DRC8: variants seen among roughly 807,000 people sequenced by gnomAD.
DRC8 encodes the protein dynein regulatory complex subunit 8, also known as dynein regulatory complex protein 8.
chr1:245,119,559 G>A, the DRC8 span, among the ~76,000 whole-genome samples: 1 of 152,060 alleles, frequency 6.6e-6, no homozygotes, highest in Admixed American at 6.5e-5. Context: ...AGCTACATGG[G>A]AGGCTAAGGC....
At chr1:244,979,291 T>C in the DRC8 span, among the ~76,000 whole-genome samples, 5 of 80,554 alleles carry the variant, frequency 6.2e-5, no homozygotes, top group African/African-American at 1.8e-4. Context: ...CCGAAGCTTA[T>C]CTTTTTTTTT....
the DRC8 span, among the ~76,000 whole-genome samples, chr1:245,031,864 C>G: frequency 6.6e-6 from 1 of 152,142 alleles, no homozygotes; most frequent in Non-Finnish European, 1.5e-5. Flanking sequence ...TAAAGAATGT[C>G]TCTCTTTAAG....
chr1:245,101,176 C>T, the DRC8 span, among the ~76,000 whole-genome samples: 1 of 152,160 alleles, frequency 6.6e-6, no homozygotes, highest in Admixed American at 6.5e-5. Flanking sequence ...TGAGCCACGG[C>T]GCCTGGCCTG....
At chr1:245,013,279 T>C in the DRC8 span, among the ~76,000 whole-genome samples, 2 of 152,240 alleles carry the variant, frequency 1.3e-5, no homozygotes, top group South Asian at 2.1e-4. Flanking sequence ...AGGATAAGTT[T>C]CTCAACTTTA....
the DRC8 span, among the ~76,000 whole-genome samples, chr1:245,032,090 G>T: frequency 1.3e-5 from 2 of 152,122 alleles, no homozygotes; most frequent in African/African-American, 4.8e-5. Context: ...ACAGATAGAA[G>T]AAGTAACAAA....
chr1:245,101,131 T>C, the DRC8 span, among the ~76,000 whole-genome samples: 3 of 152,148 alleles, frequency 2.0e-5, no homozygotes, highest in African/African-American at 7.2e-5. Flanking sequence ...GTGATCCACC[T>C]GCCTCGGCCT....
At chr1:245,008,285 A>T in the DRC8 span, among the ~76,000 whole-genome samples, 1 of 152,218 alleles carries the variant, frequency 6.6e-6, no homozygotes, top group Admixed American at 6.5e-5. Flanking sequence ...CTTGATTATT[A>T]AAAAAATCAT....
the DRC8 span, among the ~76,000 whole-genome samples, chr1:245,006,133 C>G: frequency 6.6e-6 from 1 of 152,086 alleles, no homozygotes; most frequent in Non-Finnish European, 1.5e-5. Flanking sequence ...AAAGGCCTTG[C>G]GAACCATTGG....
the DRC8 span, among the ~76,000 whole-genome samples, chr1:245,100,084 T>C: frequency 2.0e-5 from 3 of 152,316 alleles, no homozygotes; most frequent in East Asian, 5.8e-4. Context: ...TAATCGTCCC[T>C]TTAAAATAAT....
the DRC8 span, among the ~76,000 whole-genome samples, chr1:244,976,982 TGCTACC>T: frequency 6.6e-6 from 1 of 152,236 alleles, no homozygotes; most frequent in African/African-American, 2.4e-5. Flanking sequence ...TTCTGACACA[TGCTACC>T]GCTTGAATGA....
the DRC8 span, among the ~76,000 whole-genome samples, chr1:244,982,582 C>G: frequency 6.6e-6 from 1 of 151,886 alleles, no homozygotes; most frequent in Non-Finnish European, 1.5e-5. Context: ...GAGAATCACT[C>G]GGACCCTGGA....
chr1:245,072,327 C>T, the DRC8 span, among the ~76,000 whole-genome samples: 2 of 152,092 alleles, frequency 1.3e-5, no homozygotes, highest in African/African-American at 4.8e-5. Context: ...CACTCTGTCA[C>T]CCAGGCTGGA....
chr1:245,028,082 G>T, the DRC8 span, among the ~76,000 whole-genome samples: 2 of 152,092 alleles, frequency 1.3e-5, no homozygotes, highest in South Asian at 2.1e-4. Flanking sequence ...TAGAGACAGG[G>T]TCTCCCTATG....
At chr1:245,041,696 A>G in the DRC8 span, among the ~76,000 whole-genome samples, 1 of 152,220 alleles carries the variant, frequency 6.6e-6, no homozygotes, top group African/African-American at 2.4e-5. Flanking sequence ...TAAAAAGCCC[A>G]AACAAAAGGG....
chr1:245,032,484 G>A, the DRC8 span, among the ~76,000 whole-genome samples: 93 of 152,276 alleles, frequency 6.1e-4, no homozygotes, highest in Middle Eastern at 3.4e-3. Context: ...AGTACATTTT[G>A]TAACAGCTCC....
chr1:245,034,543 G>A, the DRC8 span, among the ~76,000 whole-genome samples: 8 of 132,990 alleles, frequency 6.0e-5, no homozygotes, highest in Middle Eastern at 4.5e-3. Flanking sequence ...AGAGGTTGCA[G>A]TGAGCCATCA....
chr1:245,121,685 A>G, the DRC8 span, among the ~76,000 whole-genome samples: 1 of 151,938 alleles, frequency 6.6e-6, no homozygotes, highest in South Asian at 2.1e-4. Flanking sequence ...TGCGTGGGGG[A>G]GAGGTACGGA....
chr1:245,031,575 C>T, the DRC8 span, among the ~76,000 whole-genome samples: 2 of 152,056 alleles, frequency 1.3e-5, no homozygotes, highest in African/African-American at 2.4e-5. Context: ...AGCCATCCAC[C>T]GATCAGGAAA....
chr1:245,027,742 T>C, the DRC8 span, among the ~76,000 whole-genome samples: 15 of 152,230 alleles, frequency 9.9e-5, no homozygotes, highest in Non-Finnish European at 1.5e-4. Context: ...GTTCATACTT[T>C]GTTTAGTATT....
Sources: gnomAD v4.1 joint callset for allele counts (sites outside exome capture counted in the v4.1 genomes callset) on GRCh38, gnomAD v4.1.1 for gene constraint, MANE v1.5 for transcripts, NCBI Gene and HGNC (gene_info 2026-07-23, HGNC 2026-07-21) for gene names.